Variants in LPP observed in about 807,000 individuals in gnomAD.
LPP encodes the protein LIM domain containing preferred translocation partner in lipoma, also known as lipoma-preferred partner.
Under a neutral mutation model 60.4 loss-of-function variants are expected in LPP, and 38 were observed. The observed-to-expected ratio is 0.63, with a 90% confidence interval of 0.49 to 0.83. LPP has a LOEUF of 0.83. Ranked by LOEUF, LPP falls within the 40% of genes least tolerant of loss-of-function variation. LPP has a pLI of 0.00. For synonymous variants in LPP, 328 were observed against 290.8 expected (o/e 1.13, Z -1.30); for missense variants, 902 against 783.6 (o/e 1.15, Z -1.80).
chr3:188,814,298 A>C (rs1215813614), intron 9 of LPP, among the ~76,000 whole-genome samples: 7 of 152,202 alleles, frequency 4.6e-5, no homozygotes, highest in Admixed American at 6.5e-5. Flanking sequence ...AGCCACAATA[A>C]GGACATAGCT....
chr3:188,406,670 G>A (rs767207081), intron 4 of LPP, among the ~76,000 whole-genome samples: 37 of 152,088 alleles, frequency 2.4e-4, no homozygotes, highest in African/African-American at 7.7e-4. Flanking sequence ...CCCTCTTGCC[G>A]TTGGACAAAT....
chr3:188,314,445 A>G (rs2150311296), intron 2 of LPP, among the ~76,000 whole-genome samples: 1 of 152,240 alleles, frequency 6.6e-6, no homozygotes, highest in South Asian at 2.1e-4. Flanking sequence ...AAAATTTTCA[A>G]ACATGAAATC....
At chr3:188,200,161 G>T (rs754469134) in intron 1 of LPP, among the ~76,000 whole-genome samples, 1 of 151,658 alleles carries the variant, frequency 6.6e-6, no homozygotes, top group Non-Finnish European at 1.5e-5. Context: ...ATCTAACAAA[G>T]TTCAGGAAAG....
chr3:188,820,007 A>G (rs549015843), intron 9 of LPP, among the ~76,000 whole-genome samples: 1 of 152,280 alleles, frequency 6.6e-6, no homozygotes, highest in Non-Finnish European at 1.5e-5. Context: ...GAAATTTCAG[A>G]AGGTTACATA....
intron 2 of LPP, among the ~76,000 whole-genome samples, chr3:188,279,564 C>A (rs1473102099): frequency 1.3e-5 from 2 of 152,204 alleles, no homozygotes; most frequent in Non-Finnish European, 2.9e-5. Flanking sequence ...AGCACACAAT[C>A]CTCATTCACT....
At chr3:188,668,252 T>A (rs1434454018) in intron 7 of LPP, among the ~76,000 whole-genome samples, 1 of 152,188 alleles carries the variant, frequency 6.6e-6, no homozygotes, top group African/African-American at 2.4e-5. Flanking sequence ...ATGTGTTAAG[T>A]TAGCTTTTTT....
chr3:188,529,590 T>C (rs1405317868), intron 6 of LPP, among the ~76,000 whole-genome samples: 5 of 152,228 alleles, frequency 3.3e-5, no homozygotes, highest in Non-Finnish European at 7.3e-5. Context: ...CTAAAGCATT[T>C]TCTTCCTTTT....
intron 3 of LPP, among the ~76,000 whole-genome samples, chr3:188,377,265 T>C (rs1775413554): frequency 6.6e-6 from 1 of 152,204 alleles, no homozygotes; most frequent in African/African-American, 2.4e-5. Flanking sequence ...CTTGCTAGAT[T>C]GGGGAAGTTC....
rs551017017 is a variant in LPP at position 188,179,561 on chromosome 3, C to T, written c.-190+25309C>T. The T allele has an allele frequency of 1.6e-4, 72 of 451,110 alleles. 1 individual carries two copies. The highest frequency in any genetic ancestry group is 1.4e-3 in the African/African-American group (71 of 49,992). 27.9% of individuals were successfully genotyped at this position (451,110 alleles called of 1,614,324 possible). The stretch of plus-strand genomic sequence containing the variant: ...CGTGCTCTCATATTTCCATTTAAAG[C>T]CCTCTCGAGAGGTCTGTCTCCTGCC... On this transcript the variant is annotated intron_variant, in intron 1 of 11. Transcript: ENST00000617246.
Position 188,721,349 on chromosome 3 carries a change from G to C in LPP, c.1240+12956G>C, listed in dbSNP as rs186855510. 7.2e-3 allele frequency among the ~76,000 whole-genome samples: 1,100 copies of C among 152,096 alleles called. 4 individuals are homozygous for C. The highest frequency in any genetic ancestry group is 0.011 in the Non-Finnish European group (721 of 67,992). On this transcript the variant is annotated intron_variant, in intron 8 of 11. Coordinates refer to ENST00000617246, the MANE Select transcript of LPP (RefSeq NM_001375462.1). ...GAGAATTGCTTGAGTCCAAAAGTTT[G>C]AGACCAACCCAGGCAACAGAGTGAG...
At chr3:188,287,403 C>T (rs999563719) in intron 2 of LPP, among the ~76,000 whole-genome samples, 3 of 152,168 alleles carry the variant, frequency 2.0e-5, no homozygotes, top group Non-Finnish European at 4.4e-5. Context: ...GGTCACACAT[C>T]GAGGAAATGG....
At chr3:188,386,676 C>T (rs953634759) in intron 3 of LPP, among the ~76,000 whole-genome samples, 1 of 152,104 alleles carries the variant, frequency 6.6e-6, no homozygotes, top group East Asian at 1.9e-4. Context: ...ACATCCAAAG[C>T]CAGTTTTCCC....
At chr3:188,538,502 G>T (rs1291137281) in intron 6 of LPP, among the ~76,000 whole-genome samples, 1 of 152,106 alleles carries the variant, frequency 6.6e-6, no homozygotes, top group African/African-American at 2.4e-5. Context: ...ATCACTTCAC[G>T]CTCACTAAGG....
chr3:188,222,340 A>G (rs1716101214), intron 1 of LPP, among the ~76,000 whole-genome samples: 1 of 152,242 alleles, frequency 6.6e-6, no homozygotes, highest in Non-Finnish European at 1.5e-5. Context: ...TCACAGAACT[A>G]TAGGCTTTGA....
At chr3:188,356,170 T>C (rs1767555980) in intron 3 of LPP, among the ~76,000 whole-genome samples, 1 of 152,182 alleles carries the variant, frequency 6.6e-6, no homozygotes. Flanking sequence ...CTTGGACACA[T>C]TTTTGAATTT....
At chr3:188,593,361 TAAGTA>T (rs1256946061) in intron 6 of LPP, among the ~76,000 whole-genome samples, 2 of 152,092 alleles carry the variant, frequency 1.3e-5, no homozygotes, top group East Asian at 1.9e-4. Flanking sequence ...TAGAGAAAAT[TAAGTA>T]AAGAGAGGAA....
chr3:188,170,028 G>A (rs559460658), intron 1 of LPP, among the ~76,000 whole-genome samples: 7 of 152,256 alleles, frequency 4.6e-5, no homozygotes, highest in East Asian at 1.9e-4. Flanking sequence ...GAGCATCATC[G>A]GGAACAGAAT....
chr3:188,575,910 A>T (rs1447498356), intron 6 of LPP, among the ~76,000 whole-genome samples: 1 of 152,094 alleles, frequency 6.6e-6, no homozygotes, highest in African/African-American at 2.4e-5. Context: ...GATTTGAGGA[A>T]TAAAATGTGA....
chr3:188,419,077 C>G (rs1373127468), intron 4 of LPP, among the ~76,000 whole-genome samples: 1 of 152,112 alleles, frequency 6.6e-6, no homozygotes. Context: ...TATGAGGTCT[C>G]CCAGAAATAT....
Sources: allele counts gnomAD v4.1 joint callset (sites outside exome capture counted in the v4.1 genomes callset), GRCh38; gene constraint gnomAD v4.1.1; transcripts MANE v1.5; gene names NCBI Gene and HGNC (gene_info 2026-07-23, HGNC 2026-07-21).